Variants in TRIM14 observed in about 807,000 individuals in gnomAD.
The protein encoded by TRIM14 is tripartite motif-containing protein 14.
In TRIM14, 28 loss-of-function variants were observed where a neutral mutation model predicts 44.5. The observed-to-expected ratio is 0.63, with a 90% confidence interval of 0.47 to 0.86. TRIM14 has a LOEUF of 0.86. Among genes scored for constraint, TRIM14 ranks in the 40% least tolerant of loss-of-function variants. The pLI is 0.00. For synonymous variants in TRIM14, 299 were observed against 269.2 expected, an observed-to-expected ratio of 1.11 and a Z score of -1.08; for missense variants, 607 against 611.1, an observed-to-expected ratio of 0.99 and a Z score of 0.07.
chr9:98,045,943 A>C, the TRIM14 span, among the ~76,000 whole-genome samples: 2 of 152,196 alleles, frequency 1.3e-5, no homozygotes, highest in African/African-American at 4.8e-5. Flanking sequence ...AAATCACAAC[A>C]GAAATTGGAC....
chr9:98,045,077 C>T, the TRIM14 span, among the ~76,000 whole-genome samples: 10 of 152,106 alleles, frequency 6.6e-5, no homozygotes, highest in Admixed American at 1.3e-4. Flanking sequence ...TGCACCACTG[C>T]ACTCCAGCCT....
downstream of TRIM14, among the ~76,000 whole-genome samples, chr9:98,065,168 C>T (rs1264377467): frequency 4.6e-5 from 7 of 152,068 alleles, no homozygotes; most frequent in Non-Finnish European, 4.4e-5. Flanking sequence ...TCCTTCTGGG[C>T]GTACTCACAG....
At chr9:98,099,643 T>C (rs1826315492) in intron 3 of TRIM14, among the ~76,000 whole-genome samples, 2 of 152,068 alleles carry the variant, frequency 1.3e-5, no homozygotes, top group African/African-American at 4.8e-5. Flanking sequence ...GTGAGCCCAC[T>C]TTGCAGAGTT....
chr9:98,054,028 G>C, the TRIM14 span, among the ~76,000 whole-genome samples: 1 of 152,104 alleles, frequency 6.6e-6, no homozygotes, highest in Non-Finnish European at 1.5e-5. Context: ...GTCTTCCTTT[G>C]GTCCCTATCA....
intron 6 of TRIM14, chr9:98,077,064 C>A: frequency 7.3e-7 from 1 of 1,372,712 alleles, no homozygotes; most frequent in Non-Finnish European, 1.0e-6. Context: ...TCCAAACCTT[C>A]ATATTTTTAC....
chr9:98,062,399 GTCCCATCTGCTC>G, the TRIM14 span, among the ~76,000 whole-genome samples: 1 of 152,030 alleles, frequency 6.6e-6, no homozygotes. Flanking sequence ...CAGGTCTCAG[GTCCCATCTGCTC>G]TGTGACCTGC....
chr9:98,052,698 G>T, the TRIM14 span, among the ~76,000 whole-genome samples: 732 of 152,200 alleles, frequency 4.8e-3, 3 homozygotes, highest in African/African-American at 0.017. Context: ...TAGAGATGAG[G>T]TTTCTCCATG....
chr9:98,091,938 G>A lies in TRIM14; in HGVS notation c.764C>T (p.Pro255Leu), dbSNP rs751550332. The A allele has an allele frequency of 3.1e-6, 5 of 1,610,688 alleles. No individual in the cohort carries two copies. The highest frequency in any genetic ancestry group is 1.7e-4 in the Middle Eastern group (1 of 6,022). The change falls in exon 5 of 6, where the codon CCC becomes CTC. Residue 255 changes from proline to leucine, a missense_variant. By Grantham distance (98) the Pro-to-Leu change is moderately conservative (BLOSUM62 -3). Transcript: ENST00000341469. ...CAGCAATAGCGATCGCTCTGGTGAG[G>A]GGCTGGTTTTCAACAAGGTACCTGG... ...TKPGTLLKTS[P>L]SPERSLLLKY...
the TRIM14 span, among the ~76,000 whole-genome samples, chr9:98,048,299 A>G: frequency 2.6e-5 from 4 of 152,298 alleles, no homozygotes; most frequent in Admixed American, 2.6e-4. Flanking sequence ...TTTACCTTCC[A>G]GGTGTGCCTG....
At chr9:98,092,438 C>A (rs1564175874) in intron 4 of TRIM14, 2 of 351,984 alleles carry the variant, frequency 5.7e-6, no homozygotes, top group Non-Finnish European at 5.7e-6. Context: ...CCCCCACACC[C>A]TTCCCCCCTT....
At chr9:98,057,923 T>G in the TRIM14 span, among the ~76,000 whole-genome samples, 5 of 29,624 alleles carry the variant, frequency 1.7e-4, no homozygotes, top group South Asian at 1.8e-3. Context: ...TTTTTCCTGG[T>G]TTTTTTTTTT....
At chr9:98,091,078 A>C (rs777208054) in intron 5 of TRIM14, among the ~76,000 whole-genome samples, 1 of 152,184 alleles carries the variant, frequency 6.6e-6, no homozygotes, top group Admixed American at 6.5e-5. Flanking sequence ...ACACCCAGTA[A>C]TTCCACTTGA....
chr9:98,080,215 AAAAG>A, downstream of TRIM14, among the ~76,000 whole-genome samples: 1 of 152,218 alleles, frequency 6.6e-6, no homozygotes, highest in Non-Finnish European at 1.5e-5. Context: ...CTCTGTTTCA[AAAAG>A]AAATAATAAA....
At chr9:98,035,908 A>G in the TRIM14 span, among the ~76,000 whole-genome samples, 3 of 152,194 alleles carry the variant, frequency 2.0e-5, no homozygotes, top group Non-Finnish European at 2.9e-5. Context: ...GGCATCTACT[A>G]GGTATTAAGA....
the TRIM14 span, chr9:98,057,054 C>A: frequency 7.5e-7 from 1 of 1,339,408 alleles, no homozygotes; most frequent in South Asian, 1.5e-5. Flanking sequence ...CCGGCCTCTT[C>A]CCGCCCGCCA....
rs764667150 is a variant in TRIM14 at position 98,087,775 on chromosome 9, C to A, written c.1024G>T (p.Ala342Ser). Residue 342 changes from alanine to serine, a missense_variant, in exon 6 of 6, where the codon GCC becomes TCC. By Grantham distance (99) the Ala-to-Ser change is moderately conservative (BLOSUM62 1). Around this residue, in one of 3 missense-constraint regions of TRIM14, gnomAD observed 356 missense variants for 323.0 expected, o/e 1.10. Transcript: ENST00000341469. ...GAGWWVGAAY[A>S]SLRRRGASAA... is the part of the protein sequence containing the mutation. ...GAGGCCCCGCGGCGCCGAAGGGAGG[C>A]GTAGGCCGCGCCCACCCACCAGCCG... is the stretch of plus-strand genomic sequence containing the variant. 1 of 1,512,586 alleles carries A rather than the reference C, an allele frequency of 6.6e-7. No individual in the cohort carries two copies. Among genetic ancestry groups the A allele is most frequent in the Admixed American group, 2.2e-5 (1 of 45,008 alleles). The allele number at this position is 1,512,586 out of a possible 1,614,324, so 93.7% of individuals were successfully genotyped here.
At position 98,087,259 on chromosome 9, in the gene TRIM14, GGCA is replaced by G. The variant is rs772031144; in HGVS notation, c.*208_*210del. ...TGAGGGTGCGGAGGTCTGATGAGAG[GGCA>G]GCAGCAGACTTGTTTAGGGCCTGTT... On this transcript the variant is annotated 3_prime_UTR_variant, in exon 6 of 6. Coordinates refer to ENST00000341469, the MANE Select transcript of TRIM14 (RefSeq NM_014788.4). 1.3e-5 allele frequency: 11 copies of G among 821,904 alleles called. No individual in the cohort carries two copies. The allele number at this position is 821,904 out of a possible 1,614,324, so 50.9% of individuals were successfully genotyped here. A position where few individuals can be genotyped will look rare whatever the true frequency, so the allele number is the denominator to read the frequency against.
At chr9:98,099,632 G>A (rs1374636589) in intron 3 of TRIM14, among the ~76,000 whole-genome samples, 1 of 152,014 alleles carries the variant, frequency 6.6e-6, no homozygotes, top group Non-Finnish European at 1.5e-5. Context: ...TATAAAATGG[G>A]GTGAGCCCAC....
the TRIM14 span, among the ~76,000 whole-genome samples, chr9:98,058,394 G>A: frequency 2.0e-5 from 3 of 152,090 alleles, no homozygotes; most frequent in Non-Finnish European, 2.9e-5. Flanking sequence ...TGATGCTGCC[G>A]ATTTCATTTT....
Sources: allele counts gnomAD v4.1 joint callset (sites outside exome capture counted in the v4.1 genomes callset), GRCh38; gene constraint gnomAD v4.1.1; regional missense constraint gnomAD v4.1.1; transcripts MANE v1.5; gene names NCBI Gene and HGNC (gene_info 2026-07-23, HGNC 2026-07-21).